LUZP2: variants seen among roughly 807,000 people sequenced by gnomAD.
LUZP2 encodes the protein leucine zipper protein 2.
In LUZP2, 52 loss-of-function variants were observed where a neutral mutation model predicts 51.6. That is an observed-to-expected ratio of 1.01 (90% confidence interval 0.81 to 1.27). The LOEUF (loss-of-function observed/expected upper bound fraction) is 1.27. Among genes scored for constraint, LUZP2 ranks in the 50% most tolerant of loss-of-function variants. The pLI, the probability that LUZP2 is intolerant of heterozygous loss-of-function variation, is 0.00. For synonymous variants in LUZP2, 154 were observed against 137.3 expected (o/e 1.12, Z -0.85); for missense variants, 436 against 395.4 (o/e 1.10, Z -0.87).
intron 4 of LUZP2, among the ~76,000 whole-genome samples, chr11:24,742,023 T>A (rs1207404607): frequency 2.3e-5 from 3 of 132,998 alleles, no homozygotes; most frequent in African/African-American, 8.8e-5. Flanking sequence ...TATAATTATA[T>A]ATTTTATATA....
At chr11:24,951,083 A>C (rs1301428292) in intron 7 of LUZP2, among the ~76,000 whole-genome samples, 1 of 151,592 alleles carries the variant, frequency 6.6e-6, no homozygotes, top group Non-Finnish European at 1.5e-5. Context: ...TTTGGGAGGC[A>C]ATGAAGCCCT....
At chr11:24,731,436 A>G (rs916344089) in intron 2 of LUZP2, among the ~76,000 whole-genome samples, 5 of 151,770 alleles carry the variant, frequency 3.3e-5, no homozygotes, top group African/African-American at 1.2e-4. Context: ...GAAAGTTATT[A>G]GAGAAGGCTT....
At chr11:24,695,506 C>T (rs535255581) in intron 1 of LUZP2, among the ~76,000 whole-genome samples, 11 of 152,114 alleles carry the variant, frequency 7.2e-5, no homozygotes, top group Admixed American at 1.3e-4. Context: ...TTCTGAAATA[C>T]GCACTATAAT....
rs191856818 is a variant in LUZP2, at chr11:24,616,936, A to G, written c.63-112233A>G. On this transcript the variant is annotated intron_variant, in intron 1 of 11. Transcript: ENST00000336930. The stretch of plus-strand genomic sequence containing the variant: ...GGCACACAGCATGGTAAATCTTGGT[A>G]TATACTCCATAGGCACTTGAAAAGA... Among the ~76,000 whole-genome samples, 4 of 152,338 alleles carry G rather than the reference A, an allele frequency of 2.6e-5. No homozygotes were observed. The East Asian group carries it at 5.8e-4, about 22-fold the overall frequency.
At chr11:25,077,106 C>T (rs920063158) in intron 10 of LUZP2, among the ~76,000 whole-genome samples, 5 of 152,146 alleles carry the variant, frequency 3.3e-5, no homozygotes, top group African/African-American at 9.7e-5. Flanking sequence ...TAGCTGACTG[C>T]CATAAGCACC....
At chr11:24,632,066 A>G (rs1854914854) in intron 1 of LUZP2, among the ~76,000 whole-genome samples, 1 of 151,960 alleles carries the variant, frequency 6.6e-6, no homozygotes, top group African/African-American at 2.4e-5. Flanking sequence ...ATAGGTATTT[A>G]GGATTTTATA....
intron 10 of LUZP2, among the ~76,000 whole-genome samples, chr11:25,063,039 C>A (rs1488515267): frequency 2.0e-5 from 3 of 150,922 alleles, no homozygotes; most frequent in African/African-American, 7.3e-5. Context: ...GAAAAAAATA[C>A]CCCAAATTAA....
intron 7 of LUZP2, among the ~76,000 whole-genome samples, chr11:24,964,397 A>G (rs1855520443): frequency 6.6e-6 from 1 of 152,210 alleles, no homozygotes; most frequent in Admixed American, 6.5e-5. Context: ...AAATATAGTA[A>G]TATAGAAACA....
At chr11:25,044,022 GAT>G (rs374608794) in intron 9 of LUZP2, among the ~76,000 whole-genome samples, 1 of 54,800 alleles carries the variant, frequency 1.8e-5, no homozygotes, top group African/African-American at 6.2e-5. Flanking sequence ...ATATATATCT[GAT>G]ATATATAGAG....
At chr11:24,637,381 TGGTAA>T (rs1336128077) in intron 1 of LUZP2, among the ~76,000 whole-genome samples, 5 of 151,860 alleles carry the variant, frequency 3.3e-5, no homozygotes, top group African/African-American at 1.2e-4. Flanking sequence ...TACAAATTGT[TGGTAA>T]AACGTGTATT....
At chr11:25,064,528 A>T (rs557653557) in intron 10 of LUZP2, among the ~76,000 whole-genome samples, 2 of 152,216 alleles carry the variant, frequency 1.3e-5, no homozygotes, top group South Asian at 4.1e-4. Flanking sequence ...GCATTAGAAG[A>T]TATACTTAAC....
rs1854824460 is a variant in LUZP2 at position 24,943,760 on chromosome 11, C to T, written c.522+29222C>T. 2.0e-5 allele frequency among the ~76,000 whole-genome samples: 3 copies of T among 151,678 alleles called. No homozygotes were observed. In the South Asian group the frequency reaches 6.3e-4, roughly 32 times the overall value. On this transcript the variant is annotated intron_variant, in intron 7 of 11. Coordinates refer to ENST00000336930, the MANE Select transcript of LUZP2 (RefSeq NM_001009909.4). ...GGGTGTCGTGGTGCATGCCTGTAAT[C>T]CCAGCTACTTGGGAGGCTGAGGCAT...
At chr11:24,619,180 C>T (rs367581798) in intron 1 of LUZP2, among the ~76,000 whole-genome samples, 46 of 152,168 alleles carry the variant, frequency 3.0e-4, no homozygotes, top group African/African-American at 1.1e-3. Flanking sequence ...AGATGTGCAC[C>T]GCCATGCCTG....
At chr11:24,519,846 A>G (rs1395145161) in intron 1 of LUZP2, among the ~76,000 whole-genome samples, 3 of 152,218 alleles carry the variant, frequency 2.0e-5, no homozygotes, top group Non-Finnish European at 4.4e-5. Flanking sequence ...GTGATTGCAC[A>G]TAATTTTCAT....
chr11:24,663,348 G>A (rs944793730), intron 1 of LUZP2, among the ~76,000 whole-genome samples: 1 of 152,082 alleles, frequency 6.6e-6, no homozygotes, highest in African/African-American at 2.4e-5. Flanking sequence ...CATAAGACAT[G>A]TTTGCTTCCC....
chr11:25,057,505 A>T (rs1271731905), intron 10 of LUZP2, among the ~76,000 whole-genome samples: 3 of 152,176 alleles, frequency 2.0e-5, no homozygotes, highest in Non-Finnish European at 4.4e-5. Flanking sequence ...CACATTGAGA[A>T]AGCAAAGGAT....
intron 1 of LUZP2, among the ~76,000 whole-genome samples, chr11:24,581,959 T>A (rs1005420246): frequency 2.0e-5 from 3 of 152,004 alleles, no homozygotes; most frequent in Non-Finnish European, 4.4e-5. Context: ...AAAGCCCACA[T>A]TGGTCCTCCT....
At chr11:24,854,823 G>A (rs1371930525) in intron 5 of LUZP2, among the ~76,000 whole-genome samples, 2 of 152,164 alleles carry the variant, frequency 1.3e-5, no homozygotes, top group Non-Finnish European at 2.9e-5. Flanking sequence ...CATAATATCT[G>A]GGCTGGAATG....
chr11:24,510,644 A>T (rs1850280529), intron 1 of LUZP2, among the ~76,000 whole-genome samples: 1 of 152,038 alleles, frequency 6.6e-6, no homozygotes, highest in Admixed American at 6.6e-5. Flanking sequence ...ATCAACCCTT[A>T]CTCTGTTAAA....
Sources: allele counts gnomAD v4.1 joint callset (sites outside exome capture counted in the v4.1 genomes callset), GRCh38; gene constraint gnomAD v4.1.1; transcripts MANE v1.5; gene names NCBI Gene and HGNC (gene_info 2026-07-23, HGNC 2026-07-21).